Variants in SDK1 observed in about 807,000 individuals in gnomAD.
SDK1 encodes the protein protein sidekick-1.
A neutral mutation model predicts 245.5 loss-of-function variants in SDK1; 157 were observed. The observed-to-expected ratio is 0.64, with a 90% CI of 0.56 to 0.73. The LOEUF is 0.73. Among genes scored for constraint, SDK1 ranks in the 30% least tolerant of loss-of-function variants. The pLI, the probability that SDK1 is intolerant of heterozygous loss-of-function variation, is 0.00. For synonymous variants in SDK1, 1,647 were observed against 1,278.5 expected (o/e 1.29, Z -6.15); for missense variants, 3,583 against 3,002.3 (o/e 1.19, Z -4.52).
At chr7:4,159,329 A>G (rs772879175) in intron 31 of SDK1, among the ~76,000 whole-genome samples, 27 of 152,226 alleles carry the variant, frequency 1.8e-4, no homozygotes, top group Admixed American at 6.5e-5. Flanking sequence ...TTTCTCCCAC[A>G]TAGGCCTCCC....
chr7:4,124,446 C>T (rs1249466930), intron 25 of SDK1, among the ~76,000 whole-genome samples: 1 of 152,116 alleles, frequency 6.6e-6, no homozygotes, highest in Non-Finnish European at 1.5e-5. Context: ...CTGTCTCCTC[C>T]CATGGCACTC....
chr7:3,764,565 C>G (rs535843994), intron 4 of SDK1, among the ~76,000 whole-genome samples: 2 of 152,072 alleles, frequency 1.3e-5, no homozygotes, highest in South Asian at 4.2e-4. Context: ...CCTTGTAATC[C>G]CAGCTAATTG....
At chr7:4,154,063 C>T (rs1028213248) in intron 30 of SDK1, among the ~76,000 whole-genome samples, 3 of 152,168 alleles carry the variant, frequency 2.0e-5, no homozygotes, top group Non-Finnish European at 2.9e-5. Flanking sequence ...AAAAGATGCT[C>T]AGCACTCATC....
intron 1 of SDK1, among the ~76,000 whole-genome samples, chr7:3,382,740 T>G (rs183671139): frequency 1.1e-4 from 17 of 152,292 alleles, no homozygotes; most frequent in African/African-American, 3.1e-4. Flanking sequence ...TGGCAAAACA[T>G]AGAGAAAAAT....
chr7:3,895,346 C>T (rs1406555194), intron 5 of SDK1, among the ~76,000 whole-genome samples: 3 of 152,192 alleles, frequency 2.0e-5, no homozygotes, highest in Non-Finnish European at 4.4e-5. Context: ...CCTCAGGGCC[C>T]ATTCCCTAGT....
At position 3,828,659 on chromosome 7, in the gene SDK1, TTTTTTTG is replaced by T. The variant is rs1208425739; in HGVS notation, c.847+7083_847+7089del. Among the ~76,000 whole-genome samples the T allele has an allele frequency of 2.1e-4, 6 of 29,006 alleles. No homozygotes were observed. In the South Asian group the frequency reaches 9.4e-3, roughly 45 times the overall value. 19.0% of individuals were successfully genotyped at this position (29,006 alleles called of 152,430 possible). A position where few individuals can be genotyped will look rare whatever the true frequency, so the allele number is the denominator to read the frequency against. ...TAAGAATTTTTTGTTCTTTTTTTTT[TTTTTTTG>T]TTTTTTTGACACAAGGACTCTGTCA... On this transcript the variant is annotated intron_variant, in intron 5 of 44. Transcript: ENST00000404826.
At chr7:3,881,787 T>C (rs2128099610) in intron 5 of SDK1, among the ~76,000 whole-genome samples, 1 of 152,248 alleles carries the variant, frequency 6.6e-6, no homozygotes, top group South Asian at 2.1e-4. Flanking sequence ...CTATAAATGG[T>C]TCTTCTTTGT....
chr7:4,091,140 A>C (rs752969097), intron 22 of SDK1, among the ~76,000 whole-genome samples: 1 of 152,078 alleles, frequency 6.6e-6, no homozygotes, highest in Non-Finnish European at 1.5e-5. Context: ...TGACTGCACT[A>C]TCTTCTTTCC....
At position 4,112,841 on chromosome 7, in the gene SDK1, C is replaced by T. The variant is rs569610018; in HGVS notation, c.3435-448C>T. Among the ~76,000 whole-genome samples, 41 of 152,048 alleles carry T rather than the reference C, an allele frequency of 2.7e-4. 2 individuals carry two copies. In the South Asian group the frequency reaches 8.3e-3, roughly 31 times the overall value. On this transcript the variant is annotated intron_variant, in intron 23 of 44. Transcript: ENST00000404826. ...ACCATCTCAGCTCATGCAACCTCTGCTTCCCTGGTTCAAGCCATTCTCCTG... is the reference window on the plus strand; with the variant it reads ...ACCATCTCAGCTCATGCAACCTCTGTTTCCCTGGTTCAAGCCATTCTCCTG...
At chr7:3,550,751 A>T (rs574449856) in intron 1 of SDK1, among the ~76,000 whole-genome samples, 46 of 152,346 alleles carry the variant, frequency 3.0e-4, no homozygotes, top group Admixed American at 1.3e-4. Context: ...TACTATGACA[A>T]GTGATAGCTT....
chr7:3,567,926 C>G (rs933443731), intron 1 of SDK1, among the ~76,000 whole-genome samples: 1 of 152,182 alleles, frequency 6.6e-6, no homozygotes, highest in African/African-American at 2.4e-5. Flanking sequence ...GGCTGATCTT[C>G]CCACCTCAGC....
At chr7:3,853,691 C>T (rs1432175882) in intron 5 of SDK1, among the ~76,000 whole-genome samples, 2 of 151,946 alleles carry the variant, frequency 1.3e-5, no homozygotes, top group Non-Finnish European at 2.9e-5. Flanking sequence ...CGTTGGTGCT[C>T]AAAAAGCTTT....
chr7:3,886,092 G>A (rs138259367), intron 5 of SDK1, among the ~76,000 whole-genome samples: 3 of 152,326 alleles, frequency 2.0e-5, no homozygotes, highest in Non-Finnish European at 4.4e-5. Context: ...GCAGAGACCT[G>A]CAGCTCAGCC....
At position 3,301,592 on chromosome 7, in the gene SDK1, C is replaced by G; in HGVS notation, c.6C>G (p.Ala2=). The G allele has an allele frequency of 1.0e-6, 1 of 971,530 alleles. No homozygotes were observed. The highest frequency in any genetic ancestry group is 1.2e-6 in the Non-Finnish European group (1 of 821,316). 60.2% of individuals were successfully genotyped at this position (971,530 alleles called of 1,614,324 possible). The change falls in exon 1 of 45, where the codon GCC becomes GCG. Residue 2 remains alanine, a synonymous_variant. Coordinates refer to ENST00000404826, the MANE Select transcript of SDK1 (RefSeq NM_152744.4). ...CGGGGTGGCGGCTGCTCGGCATGGC[C>G]CGGGGCGCCCGGCCCTCGGCGGCCG... M[A]RGARPSAAGG...
At chr7:3,669,859 T>G (rs55785035) in intron 4 of SDK1, among the ~76,000 whole-genome samples, 55,715 of 152,070 alleles carry the variant, frequency 0.37, 11,225 homozygotes, top group African/African-American at 0.53. Context: ...AAAACAGAAC[T>G]CTTTTTTCTT....
intron 1 of SDK1, among the ~76,000 whole-genome samples, chr7:3,445,945 G>C (rs1162313971): frequency 6.6e-6 from 1 of 151,722 alleles, no homozygotes; most frequent in Non-Finnish European, 1.5e-5. Context: ...GTCTACTGGA[G>C]ACAAATTCTC....
intron 4 of SDK1, among the ~76,000 whole-genome samples, chr7:3,672,295 A>T (rs1783725217): frequency 6.6e-6 from 1 of 152,008 alleles, no homozygotes; most frequent in African/African-American, 2.4e-5. Context: ...TACCCATCAC[A>T]CGTTATTCTA....
At chr7:3,570,315 G>A (rs959927144) in intron 1 of SDK1, among the ~76,000 whole-genome samples, 11 of 152,050 alleles carry the variant, frequency 7.2e-5, no homozygotes, top group Non-Finnish European at 1.5e-4. Context: ...GATCCCTCAC[G>A]TGCACAGTTC....
chr7:3,897,437 A>G lies in SDK1; in HGVS notation c.848-53486A>G, dbSNP rs369545582. The stretch of plus-strand genomic sequence containing the variant: ...AATTCTACTACTCTAGAGGCCTCAT[A>G]TAAGTGGAGACACACAGTGTCTGCC... On this transcript the variant is annotated intron_variant, in intron 5 of 44. Transcript: ENST00000404826. 2.2e-4 allele frequency among the ~76,000 whole-genome samples: 34 copies of G among 152,266 alleles called. No individual in the cohort carries two copies. In the East Asian group the frequency reaches 4.1e-3, roughly 18 times the overall value.
Sources: gnomAD v4.1 joint callset for allele counts (sites outside exome capture counted in the v4.1 genomes callset) on GRCh38, gnomAD v4.1.1 for gene constraint, MANE v1.5 for transcripts, NCBI Gene and HGNC (gene_info 2026-07-23, HGNC 2026-07-21) for gene names.